The following PDE4D variants were observed in gnomAD, a reference collection of about 807,000 sequenced individuals.
PDE4D encodes the protein phosphodiesterase 4D.
A neutral mutation model predicts 87.4 loss-of-function variants in PDE4D; 24 were observed. The ratio of observed to expected loss-of-function variants is 0.27; its 90% CI spans 0.20 to 0.39. The LOEUF (loss-of-function observed/expected upper bound fraction) is 0.39. Ranked by LOEUF, PDE4D falls within the 10% of genes least tolerant of loss-of-function variation. The probability of loss-of-function intolerance (pLI) is 1.00; values close to 1 mark genes in which losing one functional copy is unlikely to be tolerated. For synonymous variants in PDE4D, 384 were observed against 383.2 expected, an observed-to-expected ratio of 1.00 and a Z score of -0.02; for missense variants, 714 against 1,041.0, an observed-to-expected ratio of 0.69 and a Z score of 4.32.
intron 1 of PDE4D, among the ~76,000 whole-genome samples, chr5:59,806,075 T>A (rs1170137972): frequency 1.3e-5 from 2 of 152,250 alleles, no homozygotes; most frequent in African/African-American, 4.8e-5. Context: ...TGTTTCGTTA[T>A]CTCAGAATCT....
intron 2 of PDE4D, among the ~76,000 whole-genome samples, chr5:60,170,086 A>C (rs1680889460): frequency 6.6e-6 from 1 of 151,990 alleles, no homozygotes; most frequent in African/African-American, 2.4e-5. Flanking sequence ...AATTTGGATT[A>C]AGTATTATAA....
At chr5:59,418,707 G>A (rs934733573) in intron 1 of PDE4D, among the ~76,000 whole-genome samples, 5 of 152,048 alleles carry the variant, frequency 3.3e-5, no homozygotes, top group African/African-American at 9.7e-5. Flanking sequence ...GGAGTGCAGT[G>A]GCACGATCTC....
At chr5:59,332,772 G>A (rs1221595932) in intron 1 of PDE4D, among the ~76,000 whole-genome samples, 1 of 152,092 alleles carries the variant, frequency 6.6e-6, no homozygotes, top group Non-Finnish European at 1.5e-5. Context: ...TCTGGGGAAG[G>A]GCTTTGTGTT....
At chr5:59,238,045 G>C (rs1238250924) in intron 1 of PDE4D, among the ~76,000 whole-genome samples, 2 of 152,070 alleles carry the variant, frequency 1.3e-5, no homozygotes, top group Non-Finnish European at 2.9e-5. Flanking sequence ...TATGATGATA[G>C]TTAAGAACAC....
intron 1 of PDE4D, among the ~76,000 whole-genome samples, chr5:60,291,720 T>C (rs1183779356): frequency 2.0e-5 from 3 of 152,016 alleles, no homozygotes; most frequent in African/African-American, 7.2e-5. Context: ...GGCTAGCAAC[T>C]GGGCAGTGAG....
intron 2 of PDE4D, among the ~76,000 whole-genome samples, chr5:60,089,075 A>G (rs923897885): frequency 3.3e-5 from 5 of 152,034 alleles, no homozygotes; most frequent in African/African-American, 2.4e-5. Context: ...GTTAAAAACA[A>G]CAGAGAAGGC....
chr5:59,248,575 T>C (rs1448949766), intron 1 of PDE4D, among the ~76,000 whole-genome samples: 1 of 152,134 alleles, frequency 6.6e-6, no homozygotes, highest in Non-Finnish European at 1.5e-5. Flanking sequence ...CTACAAGCAA[T>C]AAAAAGGTTT....
intron 2 of PDE4D, among the ~76,000 whole-genome samples, chr5:60,089,336 T>C (rs1000781220): frequency 1.3e-5 from 2 of 152,030 alleles, no homozygotes; most frequent in African/African-American, 4.8e-5. Flanking sequence ...AATCATATCC[T>C]GTATATTTTC....
intron 3 of PDE4D, among the ~76,000 whole-genome samples, chr5:59,947,682 G>T: frequency 6.6e-6 from 1 of 152,186 alleles, no homozygotes; most frequent in Non-Finnish European, 1.5e-5. Context: ...GAGGAAGCTT[G>T]TTTAGGCAAC....
At chr5:59,053,279 A>C (rs1049897834) in intron 5 of PDE4D, among the ~76,000 whole-genome samples, 23 of 151,870 alleles carry the variant, frequency 1.5e-4, no homozygotes, top group African/African-American at 5.1e-4. Context: ...CCAGCTTTGC[A>C]CTTAAATGAC....
At chr5:60,344,042 C>T (rs958006875) in intron 1 of PDE4D, among the ~76,000 whole-genome samples, 2 of 151,322 alleles carry the variant, frequency 1.3e-5, no homozygotes, top group Non-Finnish European at 2.9e-5. Flanking sequence ...TCCAGGATTA[C>T]AGAGTTATAA....
At chr5:60,121,493 C>G (rs1023907823) in intron 2 of PDE4D, among the ~76,000 whole-genome samples, 4 of 152,098 alleles carry the variant, frequency 2.6e-5, no homozygotes, top group Non-Finnish European at 4.4e-5. Context: ...GCAAAAGGCA[C>G]TTCTTACAAG....
intron 5 of PDE4D, among the ~76,000 whole-genome samples, chr5:59,069,537 G>A (rs1024492057): frequency 5.6e-5 from 8 of 142,350 alleles, no homozygotes; most frequent in East Asian, 4.3e-4. Flanking sequence ...CCCTAATCCC[G>A]TGGGGAAGCC....
intron 1 of PDE4D, among the ~76,000 whole-genome samples, chr5:60,359,522 C>T (rs1759883558): frequency 6.6e-6 from 1 of 152,144 alleles, no homozygotes; most frequent in Non-Finnish European, 1.5e-5. Context: ...AGCCGATTTT[C>T]CCCTATAAAT....
chr5:59,166,764 A>G lies in PDE4D; in HGVS notation c.808+13831T>C, dbSNP rs1781989571. On this transcript the variant is annotated intron_variant, in intron 5 of 14. Coordinates refer to ENST00000340635, the MANE Select transcript of PDE4D (RefSeq NM_001104631.2). ...AATAGGGTTGGTAATCATATTGGAA[A>G]TAATATTTTTGGTCATAAGTGAAGT... Among the ~76,000 whole-genome samples the G allele has an allele frequency of 3.3e-5, 5 of 152,176 alleles. No individual in the cohort carries two copies. The South Asian group carries it at 1.0e-3, about 32-fold the overall frequency.
At chr5:59,801,477 T>A (rs542195623) in intron 1 of PDE4D, among the ~76,000 whole-genome samples, 30 of 152,118 alleles carry the variant, frequency 2.0e-4, no homozygotes, top group African/African-American at 6.7e-4. Flanking sequence ...ACTTTAGGAG[T>A]GGGGTGGAAT....
intron 1 of PDE4D, among the ~76,000 whole-genome samples, chr5:59,392,503 C>CTATATATATATATATATATATATATATA (rs3061702): frequency 4.8e-4 from 67 of 139,302 alleles, no homozygotes; most frequent in East Asian, 1.3e-3. Flanking sequence ...GTGTGTGTGT[C>CTATATATATATATATATATATATATATA]TATATATATA....
At chr5:60,033,076 T>C (rs749435717) in intron 2 of PDE4D, 4 of 152,188 alleles carry the variant, frequency 2.6e-5, no homozygotes, top group Non-Finnish European at 4.4e-5. Context: ...GGTCTATCTA[T>C]ACACAGTGCC....
At chr5:59,726,797 TCATA>T (rs1756659640) in intron 1 of PDE4D, among the ~76,000 whole-genome samples, 1 of 152,134 alleles carries the variant, frequency 6.6e-6, no homozygotes, top group Admixed American at 6.6e-5. Flanking sequence ...TTCTTCTTAT[TCATA>T]AACACACATA....
Sources: gnomAD v4.1 joint callset for allele counts (sites outside exome capture counted in the v4.1 genomes callset) on GRCh38, gnomAD v4.1.1 for gene constraint, MANE v1.5 for transcripts, NCBI Gene and HGNC (gene_info 2026-07-23, HGNC 2026-07-21) for gene names.